Variants in PTCHD4 observed in about 807,000 individuals in gnomAD.
PTCHD4 encodes the protein patched domain containing 4, also known as patched domain-containing protein 4.
In PTCHD4, 33 loss-of-function variants were observed where a neutral mutation model predicts 58.1. That is an observed-to-expected ratio of 0.57 (90% CI 0.43 to 0.76). The LOEUF (loss-of-function observed/expected upper bound fraction) is 0.76. PTCHD4 is among the 30% of genes least tolerant of loss of function. PTCHD4 has a pLI of 0.00. For missense variants in PTCHD4, 1,058 were observed against 1,027.1 expected (o/e 1.03, Z -0.41); for synonymous variants, 478 against 409.6 (o/e 1.17, Z -2.02).
At chr6:48,070,123 TTGTGTGTGTGTGTGTG>T (rs66484270) in intron 1 of PTCHD4, among the ~76,000 whole-genome samples, 197 bp from the exon 2 acceptor site, 1 of 146,626 alleles carries the variant, frequency 6.8e-6, no homozygotes, top group South Asian at 2.2e-4. Flanking sequence ...AAGTGTGTGT[TTGTGTGTGTGTGTGTG>T]TGTGTGTGTG....
At chr6:47,909,321 A>T (rs1764993431) in intron 4 of PTCHD4, among the ~76,000 whole-genome samples, 1 of 152,150 alleles carries the variant, frequency 6.6e-6, no homozygotes, top group Non-Finnish European at 1.5e-5. Flanking sequence ...TATGATGTAG[A>T]TTAGTATGTA....
intron 3 of PTCHD4, among the ~76,000 whole-genome samples, chr6:48,027,477 G>A (rs1349363801): frequency 6.6e-6 from 1 of 151,896 alleles, no homozygotes; most frequent in African/African-American, 2.4e-5. Context: ...TGAGATGATG[G>A]GTAGCTTTGT....
chr6:48,024,193 A>G (rs1282460462), intron 3 of PTCHD4, among the ~76,000 whole-genome samples: 2 of 152,182 alleles, frequency 1.3e-5, no homozygotes, highest in Non-Finnish European at 2.9e-5. Context: ...CAAAATTATG[A>G]TAGAATGATT....
At chr6:47,982,853 A>T (rs1204811161) in intron 4 of PTCHD4, among the ~76,000 whole-genome samples, 1 of 152,166 alleles carries the variant, frequency 6.6e-6, no homozygotes, top group Non-Finnish European at 1.5e-5. Flanking sequence ...GCTCAATAAG[A>T]ATTTTGAATG....
chr6:47,980,045 A>T (rs1308513203), intron 4 of PTCHD4, among the ~76,000 whole-genome samples: 1 of 152,114 alleles, frequency 6.6e-6, no homozygotes, highest in Non-Finnish European at 1.5e-5. Flanking sequence ...ATATACCTTG[A>T]CACCTCTAGG....
intron 4 of PTCHD4, among the ~76,000 whole-genome samples, chr6:47,880,873 G>A (rs1347513395): frequency 6.6e-6 from 1 of 152,172 alleles, no homozygotes; most frequent in African/African-American, 2.4e-5. Context: ...GGAGAAAGCA[G>A]CTGAGTAAAC....
At chr6:47,967,061 A>C (rs1454780948) in intron 4 of PTCHD4, among the ~76,000 whole-genome samples, 1 of 152,210 alleles carries the variant, frequency 6.6e-6, no homozygotes, top group African/African-American at 2.4e-5. Context: ...CTTTGCCCAG[A>C]TTCATCAGAG....
In PTCHD4 at chr6:47,875,324, T is replaced by C. The variant is rs1763819779; in HGVS notation, c.*2979A>G. 1.3e-5 allele frequency among the ~76,000 whole-genome samples: 2 copies of C among 151,666 alleles called. No individual in the cohort carries two copies. The highest frequency in any genetic ancestry group is 2.0e-4 in the East Asian group (1 of 5,126). ...TACAAGCTACCAAAAAAGGTTGGGA[T>C]TGGGGGTGACCTGCAAGTCATGATC... is the stretch of plus-strand genomic sequence containing the variant. On this transcript the variant is annotated 3_prime_UTR_variant, in exon 5 of 5. Transcript: ENST00000339488.
chr6:48,059,728 T>C (rs1764550575), intron 3 of PTCHD4, among the ~76,000 whole-genome samples: 1 of 152,190 alleles, frequency 6.6e-6, no homozygotes, highest in Non-Finnish European at 1.5e-5. Flanking sequence ...ATACAAACCC[T>C]GACCTATGCT....
At chr6:47,995,560 G>A (rs910766994) in intron 4 of PTCHD4, among the ~76,000 whole-genome samples, 2 of 152,114 alleles carry the variant, frequency 1.3e-5, no homozygotes, top group Non-Finnish European at 2.9e-5. Flanking sequence ...GGATTCCTTC[G>A]TTGAGAGTTT....
intron 4 of PTCHD4, among the ~76,000 whole-genome samples, chr6:47,906,027 T>C (rs541199483): frequency 6.6e-6 from 1 of 152,332 alleles, no homozygotes; most frequent in East Asian, 1.9e-4. Flanking sequence ...GTGCCTGGCT[T>C]CACAGTGTAA....
intron 4 of PTCHD4, among the ~76,000 whole-genome samples, chr6:47,993,835 G>A (rs961154097): frequency 1.3e-5 from 2 of 152,076 alleles, no homozygotes; most frequent in African/African-American, 4.8e-5. Flanking sequence ...GAAATAAAAA[G>A]ATCTTAATTA....
rs767935619 is a variant in PTCHD4, at chr6:47,879,394, G to T, written c.1441C>A (p.Gln481Lys). The T allele has an allele frequency of 6.2e-7, 1 of 1,613,672 alleles. No individual in the cohort carries two copies. Among genetic ancestry groups the T allele is most frequent in the South Asian group, 1.1e-5 (1 of 91,066 alleles). Residue 481 changes from glutamine (Q) to lysine (K), a missense_variant, in exon 5 of 5, where the codon CAG becomes AAG. Physicochemically the swap from Gln to Lys is moderately conservative, Grantham distance 53. Transcript: ENST00000339488. ...ATGATGTTGGCTCCGTCACTGATCT[G>T]TAAGCACCCCATGAAGGAGAAGGAG... The part of the protein sequence containing the change: ...YASFSFMGCL[Q>K]ISDGANIINL...
intron 3 of PTCHD4, among the ~76,000 whole-genome samples, chr6:48,049,275 G>T (rs769325156): frequency 5.9e-4 from 89 of 151,808 alleles, no homozygotes; most frequent in Non-Finnish European, 1.2e-3. Flanking sequence ...TCACAACAAA[G>T]AATCATCTGG....
At chr6:48,084,607 A>G (rs1258941995) in intron 1 of PTCHD4, among the ~76,000 whole-genome samples, 1 of 152,234 alleles carries the variant, frequency 6.6e-6, no homozygotes, top group Non-Finnish European at 1.5e-5. Flanking sequence ...CATTTCACAT[A>G]TAAGCACTAT....
chr6:48,074,969 ATATCTTTATTTAAAT>A (rs889657367), intron 1 of PTCHD4, among the ~76,000 whole-genome samples: 1 of 152,106 alleles, frequency 6.6e-6, no homozygotes, highest in African/African-American at 2.4e-5. Flanking sequence ...GGATATAAGC[ATATCTTTATTTAAAT>A]TATCTTTATT....
At chr6:47,983,282 C>T (rs970370136) in intron 4 of PTCHD4, among the ~76,000 whole-genome samples, 1 of 151,936 alleles carries the variant, frequency 6.6e-6, no homozygotes, top group African/African-American at 2.4e-5. Context: ...ATGAATTTCA[C>T]CATATTAAAA....
chr6:48,105,344 G>A (rs1765696100), intron 1 of PTCHD4, among the ~76,000 whole-genome samples: 1 of 149,998 alleles, frequency 6.7e-6, no homozygotes, highest in Admixed American at 6.7e-5. Context: ...ACCTGCTCCT[G>A]AATGACTACT....
intron 4 of PTCHD4, among the ~76,000 whole-genome samples, chr6:48,008,282 C>T (rs1762537968): frequency 6.6e-6 from 1 of 152,166 alleles, no homozygotes; most frequent in Non-Finnish European, 1.5e-5. Flanking sequence ...TTGAGAATGG[C>T]CATGAATATG....
Sources: gnomAD v4.1 joint callset for allele counts (sites outside exome capture counted in the v4.1 genomes callset) on GRCh38, gnomAD v4.1.1 for gene constraint, MANE v1.5 for transcripts, NCBI Gene and HGNC (gene_info 2026-07-23, HGNC 2026-07-21) for gene names.